CWC27: variants seen among roughly 807,000 people sequenced by gnomAD.
CWC27 encodes the protein spliceosome-associated protein CWC27 homolog.
In CWC27, 47 loss-of-function variants were observed where a neutral mutation model predicts 63.6. The ratio of observed to expected loss-of-function variants is 0.74; its 90% confidence interval spans 0.58 to 0.94. CWC27 has a LOEUF of 0.94. Ranked by LOEUF, CWC27 falls within the 40% of genes least tolerant of loss-of-function variation. The pLI, the probability that CWC27 is intolerant of heterozygous loss-of-function variation, is 0.00. For synonymous variants in CWC27, 175 were observed against 179.8 expected (o/e 0.97, Z 0.22); for missense variants, 495 against 554.3 (o/e 0.89, Z 1.07).
intron 11 of CWC27, among the ~76,000 whole-genome samples, chr5:64,944,865 T>C (rs1219856893): frequency 6.6e-6 from 1 of 151,976 alleles, no homozygotes; most frequent in Non-Finnish European, 1.5e-5. Context: ...CTTGTCACTC[T>C]TTTTTTTAAA....
At chr5:64,913,595 A>G (rs1433535344) in intron 11 of CWC27, among the ~76,000 whole-genome samples, 1 of 152,044 alleles carries the variant, frequency 6.6e-6, no homozygotes, top group African/African-American at 2.4e-5. Flanking sequence ...TGAAATTTTG[A>G]AAGAAATTCT....
chr5:64,910,844 A>G (rs565621067), intron 11 of CWC27, among the ~76,000 whole-genome samples: 5 of 152,304 alleles, frequency 3.3e-5, no homozygotes, highest in African/African-American at 9.6e-5. Context: ...CCATTTTTCC[A>G]GGTACAGTCT....
chr5:64,781,278 TTG>T (rs1336210781), intron 2 of CWC27, among the ~76,000 whole-genome samples: 72 of 152,262 alleles, frequency 4.7e-4, no homozygotes, highest in African/African-American at 1.7e-3. Context: ...CAAGTATGTA[TTG>T]TGTTATTTGT....
At chr5:64,770,182 C>A (rs1367193362) in intron 1 of CWC27, among the ~76,000 whole-genome samples, 1 of 152,114 alleles carries the variant, frequency 6.6e-6, no homozygotes, top group Non-Finnish European at 1.5e-5. Context: ...AAAAGTGAAA[C>A]CAAAAATGCT....
intron 11 of CWC27, among the ~76,000 whole-genome samples, chr5:64,950,441 G>A (rs573158441): frequency 7.9e-5 from 12 of 151,742 alleles, no homozygotes; most frequent in East Asian, 7.7e-4. Context: ...CTTGTTATAC[G>A]TAAAATACTC....
At chr5:64,885,812 C>G (rs1747061844) in intron 11 of CWC27, among the ~76,000 whole-genome samples, 1 of 150,382 alleles carries the variant, frequency 6.6e-6, no homozygotes, top group Non-Finnish European at 1.5e-5. Context: ...GAAGTAAATT[C>G]AGTGCAAATG....
chr5:64,977,187 A>C lies in CWC27; in HGVS notation c.1205A>C (p.Glu402Ala). Residue 402 changes from glutamate (E) to alanine (A), a missense_variant, in exon 13 of 14, where the codon GAA (glutamate) becomes GCA (alanine). Glu to Ala is a moderately radical substitution (Grantham distance 107). Coordinates refer to ENST00000381070, the MANE Select transcript of CWC27 (RefSeq NM_005869.4). The stretch of plus-strand genomic sequence containing the variant: ...TCTAAACTCACTCAAGCAATTGCTG[A>C]AACGCCTGAAAATGACATTCCTGAA... ...FKSKLTQAIA[E>A]TPENDIPETE... The C allele has an allele frequency of 6.2e-7, 1 of 1,612,948 alleles. No individual in the cohort carries two copies. The highest frequency in any genetic ancestry group is 1.1e-5 in the South Asian group (1 of 90,786).
chr5:64,803,529 A>T (rs1471392039), intron 9 of CWC27, among the ~76,000 whole-genome samples: 2 of 152,204 alleles, frequency 1.3e-5, no homozygotes, highest in Admixed American at 6.5e-5. Context: ...ACTGGAGGTA[A>T]GTGTGTGGTT....
intron 7 of CWC27, among the ~76,000 whole-genome samples, chr5:64,797,009 C>A (rs1282736161): frequency 1.4e-5 from 2 of 145,218 alleles, no homozygotes; most frequent in East Asian, 4.3e-4. Flanking sequence ...TTAGTCCCTA[C>A]TGTTTTGCTG....
At position 64,783,836 on chromosome 5, in the gene CWC27, G is replaced by A. The variant is rs776046621; in HGVS notation, c.253G>A (p.Asp85Asn). Residue 85 changes from aspartate (D) to asparagine (N), a missense_variant and splice_region_variant, in exon 4 of 14, where the codon GAT (aspartate) becomes AAT (asparagine). Physicochemically the swap from Asp to Asn is conservative, Grantham distance 23. Coordinates refer to ENST00000381070, the MANE Select transcript of CWC27 (RefSeq NM_005869.4). Reference sequence around the variant, plus strand: ...TTCACTAAATCTTTTTACATTTCAGGATGAATTTCATTCACGGTTGCGTTT... The same window carrying A: ...TTCACTAAATCTTTTTACATTTCAGAATGAATTTCATTCACGGTTGCGTTT... ...GESIYGAPFK[D>N]EFHSRLRFNR... The A allele has an allele frequency of 6.4e-7, 1 of 1,562,170 alleles. No homozygotes were observed. Among genetic ancestry groups the A allele is most frequent in the Non-Finnish European group, 8.6e-7 (1 of 1,156,456 alleles).
intron 2 of CWC27, among the ~76,000 whole-genome samples, chr5:64,776,903 A>G (rs974103901): frequency 6.6e-6 from 1 of 152,108 alleles, no homozygotes; most frequent in Non-Finnish European, 1.5e-5. Context: ...CCTTTAAAAA[A>G]CCAAAGGATC....
chr5:64,779,530 G>A (rs1743585123), intron 2 of CWC27, among the ~76,000 whole-genome samples: 1 of 152,108 alleles, frequency 6.6e-6, no homozygotes, highest in African/African-American at 2.4e-5. Context: ...CTGTGGTGAA[G>A]TTTATATAAA....
At position 64,968,195 on chromosome 5, in the gene CWC27, A is replaced by C. The variant is rs570871018; in HGVS notation, c.1043-3508A>C. ...ACTAGAAACCACAAAATACTATTTCACGCTCTCTAAAATATTCAGTTAAAT... is the reference window on the plus strand; with the variant it reads ...ACTAGAAACCACAAAATACTATTTCCCGCTCTCTAAAATATTCAGTTAAAT... On this transcript the variant is annotated intron_variant, in intron 11 of 13. Transcript: ENST00000381070. 4.6e-5 allele frequency among the ~76,000 whole-genome samples: 7 copies of C among 152,210 alleles called. No homozygotes were observed. The East Asian group carries it at 1.2e-3, about 25-fold the overall frequency.
intron 12 of CWC27, chr5:64,972,650 A>G: frequency 2.2e-6 from 1 of 451,788 alleles, no homozygotes; most frequent in South Asian, 1.6e-5. Flanking sequence ...TTTCATTAAG[A>G]AAAAGTACAT....
At position 64,985,539 on chromosome 5, in the gene CWC27, A is replaced by AT. The variant is rs959968101; in HGVS notation, c.1256+8308dup. Reference sequence around the variant, plus strand: ...TGTTTGTGGAGCTGTTATAAATAGTATTTTTTTATTTTGGTTTGCAATTGT... The same window carrying AT: ...TGTTTGTGGAGCTGTTATAAATAGTATTTTTTTTATTTTGGTTTGCAATTGT... On this transcript the variant is annotated intron_variant, in intron 13 of 13. Coordinates refer to ENST00000381070, the MANE Select transcript of CWC27 (RefSeq NM_005869.4). Among the ~76,000 whole-genome samples the AT allele has an allele frequency of 9.2e-5, 14 of 152,030 alleles. 1 individual carries two copies. Among genetic ancestry groups the AT allele is most frequent in the African/African-American group, 2.4e-4 (10 of 41,480 alleles).
intron 10 of CWC27, among the ~76,000 whole-genome samples, chr5:64,860,074 C>G (rs1237954654): frequency 6.6e-6 from 1 of 152,158 alleles, no homozygotes. Context: ...GAGTCACAGT[C>G]ACAAGCTAAA....
intron 10 of CWC27, among the ~76,000 whole-genome samples, chr5:64,847,420 A>T (rs1015708009): frequency 4.6e-5 from 7 of 152,234 alleles, no homozygotes; most frequent in Admixed American, 4.6e-4. Context: ...GGAGAAATAG[A>T]TTGCAGCACA....
intron 13 of CWC27, among the ~76,000 whole-genome samples, chr5:65,013,921 G>A (rs1293838440): frequency 6.6e-6 from 1 of 152,078 alleles, no homozygotes; most frequent in African/African-American, 2.4e-5. Context: ...TACTTATTGT[G>A]TGTCTGAGAA....
intron 13 of CWC27, among the ~76,000 whole-genome samples, chr5:65,003,161 C>G (rs1749765276): frequency 1.3e-5 from 2 of 152,186 alleles, no homozygotes; most frequent in Non-Finnish European, 2.9e-5. Context: ...CCTTCATTTT[C>G]AGTCTATACG....
Sources: allele counts gnomAD v4.1 joint callset (sites outside exome capture counted in the v4.1 genomes callset), GRCh38; gene constraint gnomAD v4.1.1; transcripts MANE v1.5; gene names NCBI Gene and HGNC (gene_info 2026-07-23, HGNC 2026-07-21).